Variants in KLF12 observed in about 807,000 individuals in gnomAD.
KLF12 encodes the protein KLF transcription factor 12.
Under a neutral mutation model 37.8 loss-of-function variants are expected in KLF12, and 9 were observed. That is an observed-to-expected ratio of 0.24 (90% CI 0.14 to 0.42). KLF12 has a LOEUF of 0.42. Ranked by LOEUF, KLF12 falls within the 10% of genes least tolerant of loss-of-function variation. KLF12 has a pLI of 1.00. For synonymous variants in KLF12, 208 were observed against 202.1 expected (o/e 1.03, Z -0.25); for missense variants, 411 against 516.0 (o/e 0.80, Z 1.97).
chr13:74,147,184 T>G, the KLF12 span, among the ~76,000 whole-genome samples: 1 of 152,208 alleles, frequency 6.6e-6, no homozygotes. Context: ...AAGTTTTGCA[T>G]TTTTCACATA....
chr13:73,937,657 G>C (rs561684176), intron 3 of KLF12, among the ~76,000 whole-genome samples: 1 of 152,284 alleles, frequency 6.6e-6, no homozygotes, highest in African/African-American at 2.4e-5. Context: ...TTGCTAAAGG[G>C]AAGAAGGGCA....
intron 1 of KLF12, among the ~76,000 whole-genome samples, chr13:74,132,173 G>A (rs987511124): frequency 1.3e-5 from 2 of 152,084 alleles, no homozygotes; most frequent in Admixed American, 6.5e-5. Flanking sequence ...TTCTAAAAGC[G>A]TTTCTTAGAA....
At position 73,690,291 on chromosome 13, in the gene KLF12, C is replaced by A. The variant is rs754737174; in HGVS notation, c.*5199G>T. The stretch of plus-strand genomic sequence containing the variant: ...AATGGGCATTAGCTTATTCCTATTG[C>A]GAGTATAGATTCCTTTAACACGTGG... On this transcript the variant is annotated 3_prime_UTR_variant, in exon 8 of 8. Transcript: ENST00000377669. 1 of 152,490 alleles carries A rather than the reference C, an allele frequency of 6.6e-6. No homozygotes were observed. Among genetic ancestry groups the A allele is most frequent in the East Asian group, 1.9e-4 (1 of 5,198 alleles). 9.4% of individuals were successfully genotyped at this position (152,490 alleles called of 1,614,324 possible).
At chr13:73,903,094 AT>A (rs1314554056) in intron 3 of KLF12, among the ~76,000 whole-genome samples, 2 of 152,234 alleles carry the variant, frequency 1.3e-5, no homozygotes, top group African/African-American at 4.8e-5. Flanking sequence ...AAGACATTAT[AT>A]TTTTTCATCT....
the KLF12 span, among the ~76,000 whole-genome samples, chr13:74,248,892 A>G: frequency 0.017 from 2,511 of 152,156 alleles, 79 homozygotes; most frequent in African/African-American, 0.057. Flanking sequence ...AGTGGGGAAC[A>G]AGGGAAGGAG....
chr13:74,112,433 G>GA (rs1877038259), intron 1 of KLF12, among the ~76,000 whole-genome samples: 1 of 147,928 alleles, frequency 6.8e-6, no homozygotes, highest in Non-Finnish European at 1.5e-5. Flanking sequence ...GTTTTGATTT[G>GA]TTTTTTTACA....
intron 1 of KLF12, among the ~76,000 whole-genome samples, chr13:74,083,531 C>T (rs1875064236): frequency 6.7e-6 from 1 of 149,858 alleles, no homozygotes; most frequent in Non-Finnish European, 1.5e-5. Flanking sequence ...CACACACACA[C>T]ACACACACAA....
chr13:73,987,414 T>G (rs1891852068), intron 2 of KLF12, among the ~76,000 whole-genome samples: 1 of 152,108 alleles, frequency 6.6e-6, no homozygotes, highest in South Asian at 2.1e-4. Context: ...TAAAAAAATT[T>G]TAACTAAAAT....
intron 7 of KLF12, among the ~76,000 whole-genome samples, chr13:73,713,772 T>C (rs996602679): frequency 1.3e-5 from 2 of 152,222 alleles, no homozygotes; most frequent in African/African-American, 4.8e-5. Context: ...GATTAAAAAT[T>C]TTCCTCTCTT....
At chr13:73,729,146 T>C (rs1458991156) in intron 6 of KLF12, among the ~76,000 whole-genome samples, 1 of 152,236 alleles carries the variant, frequency 6.6e-6, no homozygotes, top group Admixed American at 6.5e-5. Context: ...GGCCATGATG[T>C]CCACTGAATA....
chr13:73,989,581 A>G (rs1172410859), intron 2 of KLF12, among the ~76,000 whole-genome samples: 1 of 152,214 alleles, frequency 6.6e-6, no homozygotes, highest in Non-Finnish European at 1.5e-5. Context: ...CAATGGAAGC[A>G]GAGCAGACTC....
At chr13:73,809,737 A>G (rs1371066035) in intron 5 of KLF12, among the ~76,000 whole-genome samples, 1 of 152,184 alleles carries the variant, frequency 6.6e-6, no homozygotes, top group Admixed American at 6.5e-5. Context: ...CCCAGTGTTT[A>G]CACATGCACA....
the KLF12 span, among the ~76,000 whole-genome samples, chr13:74,208,280 T>C: frequency 3.3e-5 from 5 of 152,184 alleles, no homozygotes; most frequent in South Asian, 1.0e-3. Flanking sequence ...GCAATCTCAA[T>C]AAGGAACTGA....
chr13:74,257,775 C>G, the KLF12 span: 4 of 152,196 alleles, frequency 2.6e-5, no homozygotes, highest in Non-Finnish European at 4.4e-5. Flanking sequence ...CATTTGCCAA[C>G]CTCTGGGGCA....
intron 1 of KLF12, among the ~76,000 whole-genome samples, chr13:74,030,356 C>T (rs1465782232): frequency 6.6e-6 from 1 of 152,054 alleles, no homozygotes; most frequent in Admixed American, 6.6e-5. Flanking sequence ...ACACTCTGCC[C>T]AATGTTACAC....
chr13:73,697,124 CAT>C (rs1217418050), intron 7 of KLF12, among the ~76,000 whole-genome samples: 1 of 150,130 alleles, frequency 6.7e-6, no homozygotes, highest in African/African-American at 2.4e-5. Flanking sequence ...AATACACACA[CAT>C]AGGAACATAT....
intron 5 of KLF12, among the ~76,000 whole-genome samples, chr13:73,812,224 T>G (rs965281717): frequency 6.6e-6 from 1 of 152,060 alleles, no homozygotes; most frequent in East Asian, 1.9e-4. Flanking sequence ...TGCCAGAGGC[T>G]GGGGTGTCAG....
the KLF12 span, among the ~76,000 whole-genome samples, chr13:74,168,240 C>T: frequency 1.1e-4 from 17 of 152,166 alleles, no homozygotes; most frequent in South Asian, 4.1e-4. Context: ...ATTCTTTGCC[C>T]GTCTTCTCAC....
chr13:74,016,252 G>A (rs1488664210), intron 1 of KLF12, among the ~76,000 whole-genome samples: 1 of 152,106 alleles, frequency 6.6e-6, no homozygotes, highest in Non-Finnish European at 1.5e-5. Context: ...GAATCATTAG[G>A]AAAATGCACA....
Sources: gnomAD v4.1 joint callset for allele counts (sites outside exome capture counted in the v4.1 genomes callset) on GRCh38, gnomAD v4.1.1 for gene constraint, MANE v1.5 for transcripts, NCBI Gene and HGNC (gene_info 2026-07-23, HGNC 2026-07-21) for gene names.